Variants in VPS35L observed in about 807,000 individuals in gnomAD.
The protein encoded by VPS35L is VPS35 endosomal protein sorting factor like.
A neutral mutation model predicts 133.0 loss-of-function variants in VPS35L; 83 were observed. The ratio of observed to expected loss-of-function variants is 0.62; its 90% CI spans 0.52 to 0.75. The LOEUF is 0.75. Among genes scored for constraint, VPS35L ranks in the 30% least tolerant of loss-of-function variants. The probability of loss-of-function intolerance (pLI) is 0.00; values close to 1 mark genes in which losing one functional copy is unlikely to be tolerated. For missense variants in VPS35L, 1,083 were observed against 1,206.8 expected, an observed-to-expected ratio of 0.90 and a Z score of 1.52; for synonymous variants, 423 against 449.9, an observed-to-expected ratio of 0.94 and a Z score of 0.76.
chr16:19,669,444 T>G, intron 27 of VPS35L, 145 bp downstream of exon 27: 1 of 1,034,252 alleles, frequency 9.7e-7, no homozygotes, highest in East Asian at 2.5e-5. Context: ...AATTGCTTAA[T>G]GAATTTTCTA....
intron 14 of VPS35L, among the ~76,000 whole-genome samples, chr16:19,622,578 G>T (rs571645954): frequency 6.6e-6 from 1 of 152,074 alleles, no homozygotes; most frequent in Non-Finnish European, 1.5e-5. Context: ...AAAAAAATCC[G>T]TGTCTAAGTG....
chr16:19,686,448 A>T (rs1007734814), intron 28 of VPS35L, among the ~76,000 whole-genome samples: 18 of 152,152 alleles, frequency 1.2e-4, no homozygotes, highest in Admixed American at 7.9e-4. Flanking sequence ...CTCAATGTTT[A>T]TGTATTTAGT....
chr16:19,648,643 A>G (rs9940708), intron 24 of VPS35L, among the ~76,000 whole-genome samples: 12,893 of 152,130 alleles, frequency 0.085, 732 homozygotes, highest in East Asian at 0.22. Flanking sequence ...TGAGGCTAGC[A>G]GATCACTTGA....
In VPS35L at chr16:19,616,873, G is replaced by A. The variant is rs189146246; in HGVS notation, c.1224+65G>A. ...TATGGTGACAGCCCCTGCCCACTGT[G>A]CCCTTTAACGTTAATGGGACCCTTT... is the stretch of plus-strand genomic sequence containing the variant. On this transcript the variant is annotated intron_variant, in intron 14 of 30. Coordinates refer to ENST00000417362, the MANE Select transcript of VPS35L (RefSeq NM_020314.7). 556 of 1,604,984 alleles carry A rather than the reference G, an allele frequency of 3.5e-4. 2 individuals carry two copies. Among genetic ancestry groups the A allele is most frequent in the Middle Eastern group, 2.5e-3 (15 of 6,056 alleles).
intron 27 of VPS35L, among the ~76,000 whole-genome samples, chr16:19,680,967 T>A (rs1975255432): frequency 7.0e-6 from 1 of 142,986 alleles, no homozygotes; most frequent in Admixed American, 7.3e-5. Context: ...GTAAGAGGAC[T>A]GCAGATGGAA....
intron 28 of VPS35L, among the ~76,000 whole-genome samples, chr16:19,683,752 C>T (rs1975365509): frequency 6.6e-6 from 1 of 152,228 alleles, no homozygotes; most frequent in Admixed American, 6.5e-5. Context: ...AATAGTGCTG[C>T]AGTGAACATA....
chr16:19,658,923 T>C lies in VPS35L; in HGVS notation c.2221+6833T>C, dbSNP rs1000981509. Reference sequence around the variant, plus strand: ...TACGTATTATTAGGTAGGTGGTTTATCTTTATTTTGCAGCTGGAGAAACTG... The same window carrying C: ...TACGTATTATTAGGTAGGTGGTTTACCTTTATTTTGCAGCTGGAGAAACTG... On this transcript the variant is annotated intron_variant, in intron 26 of 30. Coordinates refer to ENST00000417362, the MANE Select transcript of VPS35L (RefSeq NM_020314.7). Among the ~76,000 whole-genome samples the C allele has an allele frequency of 2.0e-5, 3 of 148,816 alleles. No homozygotes were observed. The East Asian group carries it at 5.9e-4, about 29-fold the overall frequency.
intron 29 of VPS35L, among the ~76,000 whole-genome samples, chr16:19,692,678 C>T (rs1358979588): frequency 2.0e-5 from 3 of 152,164 alleles, no homozygotes; most frequent in African/African-American, 4.8e-5. Context: ...ATTCTCCTGC[C>T]TCAGCCTCCC....
chr16:19,653,886 G>A (rs966312666), intron 26 of VPS35L, among the ~76,000 whole-genome samples: 5 of 152,134 alleles, frequency 3.3e-5, no homozygotes, highest in Non-Finnish European at 7.3e-5. Context: ...TTAAAACTCG[G>A]CTTGGTTTTG....
chr16:19,669,045 G>C, intron 26 of VPS35L, 115 bp from the exon 27 acceptor site: 1 of 1,088,686 alleles, frequency 9.2e-7, no homozygotes, highest in African/African-American at 1.6e-5. Context: ...ACCTGCCCTC[G>C]GCATGGCCTG....
intron 25 of VPS35L, among the ~76,000 whole-genome samples, chr16:19,651,160 G>A (rs1349940798): frequency 6.6e-6 from 1 of 152,114 alleles, no homozygotes; most frequent in Non-Finnish European, 1.5e-5. Context: ...GGGATTACAG[G>A]CGTGAGCCAC....
chr16:19,665,732 T>C (rs967133364), intron 26 of VPS35L, among the ~76,000 whole-genome samples: 1 of 152,226 alleles, frequency 6.6e-6, no homozygotes, highest in Admixed American at 6.5e-5. Flanking sequence ...GCTCTATTTT[T>C]AGCTTTTTCA....
At chr16:19,624,053 A>G (rs1973177455) in intron 14 of VPS35L, among the ~76,000 whole-genome samples, 1 of 145,450 alleles carries the variant, frequency 6.9e-6, no homozygotes, top group South Asian at 2.2e-4. Context: ...ATCTGTCCCC[A>G]TCAGCCTCTC....
At chr16:19,679,342 G>C (rs1236486816) in intron 27 of VPS35L, among the ~76,000 whole-genome samples, 3 of 150,878 alleles carry the variant, frequency 2.0e-5, no homozygotes, top group African/African-American at 2.4e-5. Context: ...TGTCACCCAG[G>C]CTGGAGTGCA....
chr16:19,684,042 C>T (rs143137201), intron 28 of VPS35L, among the ~76,000 whole-genome samples: 3 of 152,314 alleles, frequency 2.0e-5, no homozygotes, highest in Non-Finnish European at 4.4e-5. Flanking sequence ...TTCCTTACCA[C>T]AGTCTCAGGA....
At chr16:19,635,349 A>C (rs1973591402) in intron 19 of VPS35L, among the ~76,000 whole-genome samples, 1 of 152,060 alleles carries the variant, frequency 6.6e-6, no homozygotes, top group Non-Finnish European at 1.5e-5. Context: ...TCCTGTCTCT[A>C]ATTGAACTAA....
chr16:19,649,432 C>T (rs1974056891), intron 24 of VPS35L, among the ~76,000 whole-genome samples: 1 of 152,140 alleles, frequency 6.6e-6, no homozygotes, highest in East Asian at 1.9e-4. Flanking sequence ...TATTCTTGCA[C>T]AGCGATTAAA....
At chr16:19,568,298 G>T (rs1400636415) in intron 2 of VPS35L, among the ~76,000 whole-genome samples, 2 of 148,366 alleles carry the variant, frequency 1.3e-5, no homozygotes, top group African/African-American at 2.5e-5. Context: ...TCTTCAAACC[G>T]CCCCCCCCTT....
Position 19,610,393 on chromosome 16 carries a change from A to G in VPS35L, c.1001A>G (p.Tyr334Cys). 1 of 1,614,054 alleles carries G rather than the reference A, an allele frequency of 6.2e-7. No homozygotes were observed. The highest frequency in any genetic ancestry group is 1.1e-5 in the South Asian group (1 of 91,056). Reference protein sequence around the residue: ...RGIGDPLVSVYARAYLCRVGM... With the variant: ...RGIGDPLVSVCARAYLCRVGM... Reference sequence around the variant, plus strand: ...ATCGGAGACCCACTAGTGTCGGTGTATGCCCGTGCCTACCTGTGCCGGGTA... The same window carrying G: ...ATCGGAGACCCACTAGTGTCGGTGTGTGCCCGTGCCTACCTGTGCCGGGTA... The change falls in exon 12 of 31, where the codon TAT becomes TGT. Residue 334 changes from tyrosine to cysteine, a missense_variant. By Grantham distance (194) the Tyr-to-Cys change is radical (BLOSUM62 -2). Coordinates refer to ENST00000417362, the MANE Select transcript of VPS35L (RefSeq NM_020314.7).
Sources: allele counts gnomAD v4.1 joint callset (sites outside exome capture counted in the v4.1 genomes callset), GRCh38; gene constraint gnomAD v4.1.1; transcripts MANE v1.5; gene names NCBI Gene and HGNC (gene_info 2026-07-23, HGNC 2026-07-21).